Variants in CSTPP1 observed in about 807,000 individuals in gnomAD.
CSTPP1 encodes the protein UPF0705 protein C11orf49.
At chr11:47,115,668 C>T in the CSTPP1 span, among the ~76,000 whole-genome samples, 3 of 152,048 alleles carry the variant, frequency 2.0e-5, no homozygotes, top group African/African-American at 7.2e-5. Context: ...TCCCCTTTAA[C>T]ATTTTTTATT....
At chr11:47,099,487 A>AC in the CSTPP1 span, among the ~76,000 whole-genome samples, 1 of 152,016 alleles carries the variant, frequency 6.6e-6, no homozygotes, top group Non-Finnish European at 1.5e-5. Flanking sequence ...ACTCCTAGGG[A>AC]CCCCCACCCA....
the CSTPP1 span, among the ~76,000 whole-genome samples, chr11:46,984,031 G>T: frequency 6.6e-6 from 1 of 152,178 alleles, no homozygotes; most frequent in Admixed American, 6.5e-5. Context: ...ATGCTGATTG[G>T]TATGAAGGTG....
the CSTPP1 span, among the ~76,000 whole-genome samples, chr11:46,942,442 G>A: frequency 6.6e-6 from 1 of 152,196 alleles, no homozygotes; most frequent in South Asian, 2.1e-4. Flanking sequence ...GCATGAGGGC[G>A]TGAGGTTTAT....
the CSTPP1 span, among the ~76,000 whole-genome samples, chr11:47,116,082 T>C: frequency 6.6e-6 from 1 of 152,236 alleles, no homozygotes; most frequent in Non-Finnish European, 1.5e-5. Context: ...AACCCAGTAG[T>C]CATTCAGGAG....
the CSTPP1 span, chr11:47,157,270 G>A: frequency 3.0e-5 from 46 of 1,509,056 alleles, 1 homozygote; most frequent in Middle Eastern, 4.8e-4. Context: ...GGGTCGGACT[G>A]CTGGCTGCGG....
At chr11:47,048,088 A>G in the CSTPP1 span, among the ~76,000 whole-genome samples, 4 of 152,232 alleles carry the variant, frequency 2.6e-5, no homozygotes, top group African/African-American at 9.6e-5. Flanking sequence ...TCTGGAAAAC[A>G]GTTCGGTTGT....
chr11:47,086,020 A>G, the CSTPP1 span, among the ~76,000 whole-genome samples: 8 of 151,850 alleles, frequency 5.3e-5, no homozygotes, highest in Non-Finnish European at 5.9e-5. Context: ...GAGTCAAGGA[A>G]CTAATATTCA....
chr11:46,987,662 G>T, the CSTPP1 span: 1 of 188,688 alleles, frequency 5.3e-6, no homozygotes, highest in Non-Finnish European at 1.1e-5. Flanking sequence ...TTTCATGGCT[G>T]GCTTTTCTCA....
chr11:47,140,596 A>AT, the CSTPP1 span, among the ~76,000 whole-genome samples: 1,611 of 143,220 alleles, frequency 0.011, 9 homozygotes, highest in African/African-American at 0.023. Context: ...TGCCCGGCTA[A>AT]TTTTTTTTTT....
the CSTPP1 span, among the ~76,000 whole-genome samples, chr11:47,149,448 C>T: frequency 6.6e-6 from 1 of 152,208 alleles, no homozygotes; most frequent in Non-Finnish European, 1.5e-5. Flanking sequence ...AAGATTCTTT[C>T]CCGAGCCCTC....
the CSTPP1 span, chr11:47,154,957 G>A: frequency 3.4e-6 from 2 of 595,576 alleles, no homozygotes; most frequent in East Asian, 5.5e-5. Flanking sequence ...TCAGTTTGGT[G>A]GCAGAGTCCA....
chr11:46,995,673 T>C, the CSTPP1 span, among the ~76,000 whole-genome samples: 1 of 152,216 alleles, frequency 6.6e-6, no homozygotes. Context: ...GTTTTACATT[T>C]GCTGAGGAGT....
the CSTPP1 span, among the ~76,000 whole-genome samples, chr11:46,975,731 A>T: frequency 6.6e-6 from 1 of 152,232 alleles, no homozygotes; most frequent in African/African-American, 2.4e-5. Flanking sequence ...AAATGAAGAA[A>T]ATATTTCAAG....
chr11:47,042,934 T>C, the CSTPP1 span, among the ~76,000 whole-genome samples: 1 of 152,212 alleles, frequency 6.6e-6, no homozygotes, highest in African/African-American at 2.4e-5. Context: ...GGGCCTCTTA[T>C]TCATTTCATA....
the CSTPP1 span, among the ~76,000 whole-genome samples, chr11:47,070,104 A>G: frequency 1.3e-5 from 2 of 152,158 alleles, no homozygotes; most frequent in African/African-American, 4.8e-5. Context: ...CTACCAAGCC[A>G]GGCACAGTGC....
chr11:46,995,181 G>T, the CSTPP1 span, among the ~76,000 whole-genome samples: 1 of 151,906 alleles, frequency 6.6e-6, no homozygotes, highest in Non-Finnish European at 1.5e-5. Flanking sequence ...TTCTTTATTA[G>T]TCTTGCTAGT....
the CSTPP1 span, among the ~76,000 whole-genome samples, chr11:47,073,644 C>T: frequency 2.0e-5 from 3 of 151,878 alleles, no homozygotes; most frequent in Non-Finnish European, 4.4e-5. Flanking sequence ...GCAGCATGAG[C>T]GCTAAAGTGA....
the CSTPP1 span, chr11:46,936,925 G>A: frequency 7.0e-7 from 1 of 1,422,022 alleles, no homozygotes; most frequent in Non-Finnish European, 9.3e-7. Context: ...AGGAGGCGGG[G>A]GCGGGGTCTG....
At chr11:47,053,012 G>A in the CSTPP1 span, 1 of 153,278 alleles carries the variant, frequency 6.5e-6, no homozygotes, top group Non-Finnish European at 1.5e-5. Flanking sequence ...ATGTGAATAT[G>A]AAGAAAGAAA....
Sources: gnomAD v4.1 joint callset for allele counts (sites outside exome capture counted in the v4.1 genomes callset) on GRCh38, gnomAD v4.1.1 for gene constraint, MANE v1.5 for transcripts, NCBI Gene and HGNC (gene_info 2026-07-23, HGNC 2026-07-21) for gene names.